KIAA0319: variants seen among roughly 807,000 people sequenced by gnomAD.
The protein encoded by KIAA0319 is dyslexia-associated protein KIAA0319.
KIAA0319 carries 83 observed loss-of-function variants against 108.4 expected under a neutral mutation model. That is an observed-to-expected ratio of 0.77 (90% CI 0.64 to 0.92). The LOEUF (loss-of-function observed/expected upper bound fraction) is 0.92. Among genes scored for constraint, KIAA0319 ranks in the 40% least tolerant of loss-of-function variants. KIAA0319 has a pLI of 0.00. For synonymous variants in KIAA0319, 484 were observed against 510.4 expected, an observed-to-expected ratio of 0.95 and a Z score of 0.70; for missense variants, 1,195 against 1,322.4, an observed-to-expected ratio of 0.90 and a Z score of 1.49.
At chr6:24,606,821 T>G (rs4298343) in intron 1 of KIAA0319, among the ~76,000 whole-genome samples, 10,760 of 152,270 alleles carry the variant, frequency 0.071, 1,070 homozygotes, top group East Asian at 0.44. Flanking sequence ...AAGCTCTTTT[T>G]GTCCTCCTCA....
At position 24,556,625 on chromosome 6, in the gene KIAA0319, C is replaced by T. The variant is rs1255547813; in HGVS notation, c.2839G>A (p.Asp947Asn). The T allele has an allele frequency of 6.2e-7, 1 of 1,614,004 alleles. No individual in the cohort carries two copies. The highest frequency in any genetic ancestry group is 8.5e-7 in the Non-Finnish European group (1 of 1,179,938). Residue 947 changes from aspartate (D) to asparagine (N), a missense_variant, in exon 18 of 21, where the codon GAT becomes AAT. By Grantham distance (23) the Asp-to-Asn change is conservative. Coordinates refer to ENST00000378214, the MANE Select transcript of KIAA0319 (RefSeq NM_014809.4). Reference sequence around the variant, plus strand: ...AACTCACCACAGTTGCTCTCTCCATCCCAGATATAACGCTGTATAAGGTTC... The same window carrying T: ...AACTCACCACAGTTGCTCTCTCCATTCCAGATATAACGCTGTATAAGGTTC... The part of the protein sequence containing the change: ...MENLIQRYIW[D>N]GESNCEWSIF...
chr6:24,639,820 C>T (rs1468381848), intron 1 of KIAA0319, among the ~76,000 whole-genome samples: 1 of 142,296 alleles, frequency 7.0e-6, no homozygotes, highest in East Asian at 2.1e-4. Flanking sequence ...TCACTCCAGT[C>T]TGGGTGACAG....
chr6:24,575,012 A>C (rs1290090691), intron 10 of KIAA0319, among the ~76,000 whole-genome samples: 1 of 152,212 alleles, frequency 6.6e-6, no homozygotes, highest in East Asian at 1.9e-4. Flanking sequence ...CACATGTTTC[A>C]GGCAATTGCA....
rs775708495 is a variant in KIAA0319 at position 24,596,063 on chromosome 6, G to A, written c.611C>T (p.Ala204Val). The A allele has an allele frequency of 1.7e-5, 27 of 1,613,854 alleles. No individual in the cohort carries two copies. In the African/African-American group the frequency reaches 2.3e-4, roughly 14 times the overall value. Residue 204 changes from alanine to valine, a missense_variant, in exon 3 of 21, where the codon GCG becomes GTG. By Grantham distance (64) the Ala-to-Val change is moderately conservative. Transcript: ENST00000378214. ...GTCCTGCTGCGTCTCCGCTGGCACC[G>A]CAGGACTGTCTCCAACAGAGGAGTT... Reference protein sequence around the residue: ...AFNSSVGDSPAVPAETQQDPE... With the variant: ...AFNSSVGDSPVVPAETQQDPE...
intron 10 of KIAA0319, among the ~76,000 whole-genome samples, chr6:24,573,037 CT>C (rs1377752436): frequency 2.0e-5 from 3 of 152,282 alleles, no homozygotes; most frequent in Non-Finnish European, 2.9e-5. Context: ...ACGAGAATCA[CT>C]TGGAACACGG....
chr6:24,599,799 G>A lies in KIAA0319; in HGVS notation c.55+1250C>T. The A allele has an allele frequency of 2.1e-6, 1 of 474,286 alleles. No individual in the cohort carries two copies. Among genetic ancestry groups the A allele is most frequent in the Non-Finnish European group, 4.0e-6 (1 of 249,132 alleles). 29.4% of individuals were successfully genotyped at this position (474,286 alleles called of 1,614,324 possible). A position where few individuals can be genotyped will look rare whatever the true frequency, so the allele number is the denominator to read the frequency against. On this transcript the variant is annotated intron_variant, in intron 2 of 20. Coordinates refer to ENST00000378214, the MANE Select transcript of KIAA0319 (RefSeq NM_014809.4). The surrounding 1 kb of genome is among the most constrained non-coding windows in gnomAD (Gnocchi z 4.1). ...TGTTCTGCCCAAGTGAATGGCCACA[G>A]CAGCCCCTCCCAGCCTACCCCCTCC...
In KIAA0319 at chr6:24,642,549, A is replaced by C; in HGVS notation, c.-106+3187T>G. ...CTATCAACTGTAATGCTTAAAATGT[A>C]TGGGTGTTATGGGTGGCAACGCTGG... On this transcript the variant is annotated intron_variant, in intron 1 of 20. Transcript: ENST00000378214. Among the ~76,000 whole-genome samples the C allele has an allele frequency of 1.3e-5, 2 of 152,194 alleles. 1 individual carries two copies. Among genetic ancestry groups the C allele is most frequent in the Non-Finnish European group, 2.9e-5 (2 of 68,030 alleles).
intron 6 of KIAA0319, among the ~76,000 whole-genome samples, chr6:24,581,731 GAGATA>G (rs1367806515): frequency 2.6e-5 from 4 of 152,182 alleles, no homozygotes; most frequent in Non-Finnish European, 4.4e-5. Flanking sequence ...TCCCCAAACT[GAGATA>G]TACTAAGTAA....
intron 1 of KIAA0319, among the ~76,000 whole-genome samples, chr6:24,635,261 C>T (rs767424563): frequency 1.3e-5 from 2 of 152,048 alleles, no homozygotes; most frequent in African/African-American, 2.4e-5. Flanking sequence ...CACGCCACCA[C>T]ACCCAACTAA....
At chr6:24,641,308 A>G (rs539467681) in intron 1 of KIAA0319, among the ~76,000 whole-genome samples, 17 of 152,336 alleles carry the variant, frequency 1.1e-4, no homozygotes, top group African/African-American at 3.8e-4. Context: ...ATATCCATCA[A>G]TGGACATAAC....
intron 1 of KIAA0319, among the ~76,000 whole-genome samples, chr6:24,610,491 T>C (rs777637506): frequency 6.6e-6 from 1 of 152,202 alleles, no homozygotes; most frequent in Non-Finnish European, 1.5e-5. Flanking sequence ...GAATGTAAAA[T>C]TGTGCAGCCA....
intron 11 of KIAA0319, among the ~76,000 whole-genome samples, chr6:24,570,598 C>T (rs1222470251): frequency 9.7e-5 from 11 of 113,100 alleles, no homozygotes; most frequent in African/African-American, 3.2e-4. Flanking sequence ...AAAAAAAAAT[C>T]GTCATAGGGT....
chr6:24,609,719 GCTTTTA>G (rs1322970952), intron 1 of KIAA0319, among the ~76,000 whole-genome samples: 2 of 149,914 alleles, frequency 1.3e-5, no homozygotes, highest in Admixed American at 6.6e-5. Context: ...TTTTTTTTTA[GCTTTTA>G]CTTTTACAAG....
At chr6:24,571,097 C>T (rs1331606322) in intron 11 of KIAA0319, among the ~76,000 whole-genome samples, 1 of 151,494 alleles carries the variant, frequency 6.6e-6, no homozygotes, top group Admixed American at 6.6e-5. Flanking sequence ...GAGGCTGAGG[C>T]ACTAGAATCA....
intron 1 of KIAA0319, among the ~76,000 whole-genome samples, chr6:24,627,597 CA>C (rs1279102577): frequency 6.6e-6 from 1 of 152,116 alleles, no homozygotes; most frequent in African/African-American, 2.4e-5. Flanking sequence ...GAATTCACAG[CA>C]AGGGCCTACC....
At chr6:24,544,005 T>C (rs1038673544), downstream of KIAA0319, 3 of 152,214 alleles carry the variant, frequency 2.0e-5, no homozygotes, top group African/African-American at 7.2e-5. Context: ...AAAGGCCAGA[T>C]AGTAAATAGT....
At chr6:24,564,781 C>G (rs1394777414) in intron 14 of KIAA0319, among the ~76,000 whole-genome samples, 1 of 152,170 alleles carries the variant, frequency 6.6e-6, no homozygotes, top group African/African-American at 2.4e-5. Flanking sequence ...GTGTAGCGTC[C>G]TCTGTTCTGT....
intron 1 of KIAA0319, among the ~76,000 whole-genome samples, chr6:24,638,236 T>A (rs1310222898): frequency 1.3e-4 from 20 of 152,094 alleles, no homozygotes. Context: ...GATAGTAAGA[T>A]TTTTTAAGGG....
intron 2 of KIAA0319, among the ~76,000 whole-genome samples, chr6:24,596,926 T>A (rs1769717874): frequency 6.6e-6 from 1 of 151,944 alleles, no homozygotes; most frequent in South Asian, 2.1e-4. Context: ...CACATACTCA[T>A]CCATCTACCC....
Sources: allele counts gnomAD v4.1 joint callset (sites outside exome capture counted in the v4.1 genomes callset), GRCh38; gene constraint gnomAD v4.1.1; non-coding constraint Gnocchi (gnomAD v3.1); transcripts MANE v1.5; gene names NCBI Gene and HGNC (gene_info 2026-07-23, HGNC 2026-07-21).